The following ZNF57 variants were observed in gnomAD, a reference collection of about 807,000 sequenced individuals.
ZNF57 encodes the protein zinc finger protein 424.
A neutral mutation model predicts 13.4 loss-of-function variants in ZNF57; 11 were observed. The observed-to-expected ratio is 0.82, with a 90% CI of 0.52 to 1.36. ZNF57 has a LOEUF of 1.36. ZNF57 is among the 40% of genes most tolerant of loss of function. The pLI is 0.00. For missense variants in ZNF57, 696 were observed against 667.5 expected (o/e 1.04, Z -0.47); for synonymous variants, 224 against 238.5 (o/e 0.94, Z 0.56).
chr19:2,902,608 T>C (rs1325779802), intron 1 of ZNF57, among the ~76,000 whole-genome samples: 2 of 152,176 alleles, frequency 1.3e-5, no homozygotes, highest in African/African-American at 4.8e-5. Context: ...TATTCTTCCA[T>C]ACAAGGTGCA....
intron 1 of ZNF57, among the ~76,000 whole-genome samples, chr19:2,901,525 A>ATTT (rs57886225): frequency 2.6e-4 from 40 of 151,166 alleles, no homozygotes; most frequent in Admixed American, 1.4e-3. Flanking sequence ...TTATTTTTTT[A>ATTT]TTTTTTTTAT....
chr19:2,917,889 A>C lies in ZNF57; in HGVS notation c.1268A>C (p.Lys423Thr), dbSNP rs141134670. ...THTGEKPYEC[K>T]QCGKTFTWSS... is the part of the protein sequence containing the mutation. ...ACTGGAGAGAAGCCTTATGAGTGTA[A>C]ACAATGTGGAAAAACCTTCACTTGG... The change falls in exon 4 of 4, where the codon AAA becomes ACA. Residue 423 changes from lysine to threonine, a missense_variant. Around this residue, in one of 3 missense-constraint regions of ZNF57, gnomAD observed 645 missense variants for 591.5 expected, o/e 1.09. Coordinates refer to ENST00000306908, the MANE Select transcript of ZNF57 (RefSeq NM_173480.3). 1.3e-4 allele frequency: 207 copies of C among 1,613,776 alleles called. No homozygotes were observed. Among genetic ancestry groups the C allele is most frequent in the Non-Finnish European group, 1.6e-4 (192 of 1,179,948 alleles).
intron 1 of ZNF57, among the ~76,000 whole-genome samples, chr19:2,906,546 A>G (rs1157601771): frequency 6.6e-6 from 1 of 152,138 alleles, no homozygotes; most frequent in Non-Finnish European, 1.5e-5. Context: ...CCGTCTACCC[A>G]TATGCAAGAA....
rs775381382 is a variant in ZNF57 at position 2,918,170 on chromosome 19, T to G, written c.1549T>G (p.Ser517Ala). Residue 517 changes from serine (S) to alanine (A), a missense_variant, in exon 4 of 4, where the codon TCC becomes GCC. Ser to Ala is a moderately conservative substitution (Grantham distance 99). This residue lies in a region of ZNF57 where 645 missense variants were observed against 591.5 expected (regional missense o/e 1.09). Transcript: ENST00000306908. Reference protein sequence around the residue: ...KQCGMSFKWHSSFRNHLRMHT... With the variant: ...KQCGMSFKWHASFRNHLRMHT... Reference sequence around the variant, plus strand: ...ATGTGGGATGTCCTTCAAGTGGCACTCCTCCTTCCGGAACCATCTGAGGAT... The same window carrying G: ...ATGTGGGATGTCCTTCAAGTGGCACGCCTCCTTCCGGAACCATCTGAGGAT... The G allele has an allele frequency of 1.2e-6, 2 of 1,614,174 alleles. No homozygotes were observed. The highest frequency in any genetic ancestry group is 1.7e-6 in the Non-Finnish European group (2 of 1,180,044).
intron 1 of ZNF57, 135 bp downstream of exon 1, chr19:2,901,183 C>T (rs2088026287): frequency 2.7e-6 from 3 of 1,119,162 alleles, no homozygotes; most frequent in East Asian, 8.2e-5. Flanking sequence ...ACCTGGGACC[C>T]GGGGACGCCA....
At chr19:2,902,010 G>A (rs992358497) in intron 1 of ZNF57, among the ~76,000 whole-genome samples, 6 of 151,926 alleles carry the variant, frequency 3.9e-5, no homozygotes, top group African/African-American at 1.2e-4. Flanking sequence ...GGGCGCGAGC[G>A]TGTATTGTCA....
At chr19:2,908,993 G>A (rs1488608919) in intron 1 of ZNF57, among the ~76,000 whole-genome samples, 1 of 151,858 alleles carries the variant, frequency 6.6e-6, no homozygotes, top group East Asian at 1.9e-4. Context: ...TCTCTCACTG[G>A]GCATGTTTTC....
intron 1 of ZNF57, among the ~76,000 whole-genome samples, chr19:2,903,367 A>ACGAC (rs917644004): frequency 2.6e-5 from 4 of 151,802 alleles, no homozygotes; most frequent in African/African-American, 9.7e-5. Context: ...ACTTGCCACC[A>ACGAC]CGACCGGCTA....
At chr19:2,911,105 C>T (rs938735007) in intron 1 of ZNF57, among the ~76,000 whole-genome samples, 1 of 151,990 alleles carries the variant, frequency 6.6e-6, no homozygotes, top group Non-Finnish European at 1.5e-5. Context: ...CTCTATCAGC[C>T]AGGTTGGAGT....
At chr19:2,903,292 T>TC (rs1432031330) in intron 1 of ZNF57, among the ~76,000 whole-genome samples, 2 of 151,902 alleles carry the variant, frequency 1.3e-5, no homozygotes, top group South Asian at 4.2e-4. Flanking sequence ...ACACATTGTA[T>TC]CATCCGCCTC....
Position 2,916,250 on chromosome 19 carries a change from G to A in ZNF57, c.302+1G>A, listed in dbSNP as rs2088193901. On this transcript the variant is annotated splice_donor_variant, in intron 3 of 3. Transcript: ENST00000306908. LOFTEE classifies it high-confidence loss of function. Reference sequence around the variant, plus strand: ...CTGAAGACCACCACAAAAATCTGAGGTGAGTTGCACTCACAAGAGAAAAAT... The same window carrying A: ...CTGAAGACCACCACAAAAATCTGAGATGAGTTGCACTCACAAGAGAAAAAT... 1.2e-6 allele frequency: 2 copies of A among 1,602,240 alleles called. No individual in the cohort carries two copies. The highest frequency in any genetic ancestry group is 1.7e-6 in the Non-Finnish European group (2 of 1,174,850).
In ZNF57 at chr19:2,917,258, C is replaced by T. The variant is rs780340110; in HGVS notation, c.637C>T (p.His213Tyr). Residue 213 changes from histidine to tyrosine, a missense_variant, in exon 4 of 4, where the codon CAC becomes TAC. Transcript: ENST00000306908. ...QTFQHPRYLS[H>Y]HVKTHTAEKT... is the part of the protein sequence containing the mutation. Reference sequence around the variant, plus strand: ...TTTCCAACATCCTCGTTACCTCTCCCACCACGTAAAGACTCACACAGCAGA... The same window carrying T: ...TTTCCAACATCCTCGTTACCTCTCCTACCACGTAAAGACTCACACAGCAGA... 9 of 1,614,178 alleles carry T rather than the reference C, an allele frequency of 5.6e-6. No homozygotes were observed. Among genetic ancestry groups the T allele is most frequent in the South Asian group, 3.3e-5 (3 of 91,070 alleles).
chr19:2,903,718 ATTT>A (rs55961334), intron 1 of ZNF57, among the ~76,000 whole-genome samples: 2 of 146,222 alleles, frequency 1.4e-5, no homozygotes, highest in Admixed American at 6.8e-5. Flanking sequence ...CCTCCTTTGA[ATTT>A]TTTTTTTTTT....
At position 2,917,366 on chromosome 19, in the gene ZNF57, G is replaced by A. The variant is rs753006671; in HGVS notation, c.745G>A (p.Asp249Asn). Residue 249 changes from aspartate (D) to asparagine (N), a missense_variant, in exon 4 of 4, where the codon GAC (aspartate) becomes AAC (asparagine). This residue lies in a region of ZNF57 where 645 missense variants were observed against 591.5 expected (regional missense o/e 1.09). Transcript: ENST00000306908. The part of the protein sequence containing the change: ...FTRHVRTHTK[D>N]RPYKCQECGR... ...TAGACATGTGAGAACTCACACAAAA[G>A]ACAGGCCATATAAATGTCAGGAATG... The A allele has an allele frequency of 1.2e-6, 2 of 1,614,170 alleles. No homozygotes were observed. Among genetic ancestry groups the A allele is most frequent in the Non-Finnish European group, 1.7e-6 (2 of 1,180,040 alleles).
chr19:2,904,462 T>C (rs1275980468), intron 1 of ZNF57, among the ~76,000 whole-genome samples: 1 of 152,096 alleles, frequency 6.6e-6, no homozygotes, highest in Non-Finnish European at 1.5e-5. Context: ...TCACCTCAGC[T>C]TTCCAAGTAG....
chr19:2,903,408 C>T (rs1436858261), intron 1 of ZNF57, among the ~76,000 whole-genome samples: 1 of 152,060 alleles, frequency 6.6e-6, no homozygotes, highest in African/African-American at 2.4e-5. Context: ...GACGGGGTTT[C>T]GCCATGTTGG....
In ZNF57 at chr19:2,900,965, CGGGA is replaced by C. The variant is rs2088023438; in HGVS notation, c.-79_-76del. ...CGTGCCCTGCCTACCACGAGCGGCCCGGGAGTACCTGTACCTTTCAGCTGCGCCG... is the reference window on the plus strand; with the variant it reads ...CGTGCCCTGCCTACCACGAGCGGCCCGTACCTGTACCTTTCAGCTGCGCCG... On this transcript the variant is annotated 5_prime_UTR_variant, in exon 1 of 4. Coordinates refer to ENST00000306908, the MANE Select transcript of ZNF57 (RefSeq NM_173480.3). 2 of 1,534,078 alleles carry C rather than the reference CGGGA, an allele frequency of 1.3e-6. No homozygotes were observed. The highest frequency in any genetic ancestry group is 5.1e-5 in the East Asian group (2 of 39,340).
At chr19:2,915,375 TTGTGAA>T in intron 1 of ZNF57, 141 bp from the exon 2 acceptor site, 1 of 1,074,822 alleles carries the variant, frequency 9.3e-7, no homozygotes, top group Non-Finnish European at 1.3e-6. Flanking sequence ...TAGGAAGTGA[TTGTGAA>T]TAAGTAAAAG....
intron 1 of ZNF57, among the ~76,000 whole-genome samples, chr19:2,913,464 C>T (rs4807362): frequency 0.49 from 74,733 of 152,130 alleles, 18,543 homozygotes; most frequent in East Asian, 0.63. Flanking sequence ...TAGCTATTAA[C>T]TTCCTTTATA....
Sources: gnomAD v4.1 joint callset for allele counts (sites outside exome capture counted in the v4.1 genomes callset) on GRCh38, gnomAD v4.1.1 for gene constraint, gnomAD v4.1.1 regional missense constraint, MANE v1.5 for transcripts, NCBI Gene and HGNC (gene_info 2026-07-23, HGNC 2026-07-21) for gene names.